FSTL4: variants seen among roughly 807,000 people sequenced by gnomAD.
FSTL4 encodes the protein follistatin like 4.
FSTL4 carries 28 observed loss-of-function variants against 78.2 expected under a neutral mutation model. That is an observed-to-expected ratio of 0.36 (90% CI 0.27 to 0.49). The LOEUF is 0.49. Ranked by LOEUF, FSTL4 falls within the 20% of genes least tolerant of loss-of-function variation. FSTL4 has a pLI of 0.98. For missense variants in FSTL4, 922 were observed against 1,084.9 expected, an observed-to-expected ratio of 0.85 and a Z score of 2.11; for synonymous variants, 422 against 440.5, an observed-to-expected ratio of 0.96 and a Z score of 0.53.
intron 3 of FSTL4, among the ~76,000 whole-genome samples, chr5:133,466,622 T>C (rs1757714613): frequency 6.6e-6 from 1 of 152,188 alleles, no homozygotes; most frequent in South Asian, 2.1e-4. Context: ...ATCTACCATG[T>C]ATCCGGTCAA....
Position 133,220,834 on chromosome 5 carries a change from A to G in FSTL4, c.1372T>C (p.Ser458Pro). 1 of 1,611,868 alleles carries G rather than the reference A, an allele frequency of 6.2e-7. No individual in the cohort carries two copies. The highest frequency in any genetic ancestry group is 8.5e-7 in the Non-Finnish European group (1 of 1,177,932). The stretch of plus-strand genomic sequence containing the variant: ...TGGATGACGATGATACCGTCGTCGG[A>G]GAAGACATAGAACATGTTTCCCACG... ...LSVGNMFYVFSDDGIIVIHPV... is the reference protein window; with the variant it reads ...LSVGNMFYVFPDDGIIVIHPV... The change falls in exon 12 of 16, where the codon TCC becomes CCC. Residue 458 changes from serine (S) to proline (P), a missense_variant. Transcript: ENST00000265342.
Position 133,225,258 on chromosome 5 carries a change from T to C in FSTL4, c.1204A>G (p.Ser402Gly), listed in dbSNP as rs1052929257. The change falls in exon 10 of 16, where the codon AGT becomes GGT. Residue 402 changes from serine (S) to glycine (G), a missense_variant. Ser to Gly is a moderately conservative substitution (Grantham distance 56). Transcript: ENST00000265342. This position sits in a 1 kb window ranked among gnomAD's most constrained non-coding sequence, Gnocchi z 4.6. ...LANGSELHIS[S>G]VRYEDTGAYT... is the part of the protein sequence containing the mutation. Reference sequence around the variant, plus strand: ...GCCCCTGTGTCTTCATACCGAACACTGCTGATGTGGAGTTCGCTCCCATTG... The same window carrying C: ...GCCCCTGTGTCTTCATACCGAACACCGCTGATGTGGAGTTCGCTCCCATTG... The C allele has an allele frequency of 6.2e-7, 1 of 1,614,186 alleles. No homozygotes were observed. The highest frequency in any genetic ancestry group is 8.5e-7 in the Non-Finnish European group (1 of 1,180,006).
chr5:133,240,616 G>A (rs528199415), intron 7 of FSTL4, among the ~76,000 whole-genome samples: 10 of 152,186 alleles, frequency 6.6e-5, no homozygotes, highest in African/African-American at 9.6e-5. Flanking sequence ...TGGTGTGTGC[G>A]GTCAGTCTTC....
At chr5:133,389,884 C>A (rs1755800963) in intron 4 of FSTL4, among the ~76,000 whole-genome samples, 2 of 152,034 alleles carry the variant, frequency 1.3e-5, no homozygotes, top group African/African-American at 4.8e-5. Context: ...GAAACAGAGA[C>A]AAAGATGGGG....
chr5:133,703,661 G>A, the FSTL4 span, among the ~76,000 whole-genome samples: 1 of 152,228 alleles, frequency 6.6e-6, no homozygotes, highest in African/African-American at 2.4e-5. Context: ...ATCTGTGAAA[G>A]GAGCACCTGC....
the FSTL4 span, among the ~76,000 whole-genome samples, chr5:133,698,499 C>CA: frequency 6.6e-6 from 1 of 152,206 alleles, no homozygotes; most frequent in South Asian, 2.1e-4. Context: ...GCTCTTCTGT[C>CA]AAACATGATG....
Position 133,361,730 on chromosome 5 carries a change from GT to G in FSTL4, c.409+39007del, listed in dbSNP as rs1038720733. On this transcript the variant is annotated intron_variant, in intron 4 of 15. Coordinates refer to ENST00000265342, the MANE Select transcript of FSTL4 (RefSeq NM_015082.2). The surrounding 1 kb of genome is among the most constrained non-coding windows in gnomAD (Gnocchi z 4.3). ...AGTGGGGCAGAACTGCCTTGTAGTGGTTTTTTTGGCAATCACTGGGGCATTT... is the reference window on the plus strand; with the variant it reads ...AGTGGGGCAGAACTGCCTTGTAGTGGTTTTTTGGCAATCACTGGGGCATTT... Among the ~76,000 whole-genome samples the G allele has an allele frequency of 6.6e-6, 1 of 152,110 alleles. No homozygotes were observed. Among genetic ancestry groups the G allele is most frequent in the East Asian group, 1.9e-4 (1 of 5,198 alleles).
the FSTL4 span, among the ~76,000 whole-genome samples, chr5:133,706,175 T>C: frequency 1.3e-5 from 2 of 152,344 alleles, no homozygotes; most frequent in East Asian, 3.8e-4. Flanking sequence ...CTCCAAACCC[T>C]ATCTGTTAAT....
At chr5:133,553,952 C>T (rs1759737064) in intron 3 of FSTL4, among the ~76,000 whole-genome samples, 1 of 152,162 alleles carries the variant, frequency 6.6e-6, no homozygotes, top group Admixed American at 6.5e-5. Flanking sequence ...GAACTAAGAG[C>T]ACTGGCTTAG....
At chr5:133,500,230 C>G (rs1487812190) in intron 3 of FSTL4, among the ~76,000 whole-genome samples, 1 of 152,056 alleles carries the variant, frequency 6.6e-6, no homozygotes, top group African/African-American at 2.4e-5. Flanking sequence ...CTTGAGTGTC[C>G]CTGGAAGAGA....
intron 3 of FSTL4, among the ~76,000 whole-genome samples, chr5:133,412,129 T>C (rs1756489232): frequency 6.6e-6 from 1 of 152,136 alleles, no homozygotes; most frequent in Non-Finnish European, 1.5e-5. Flanking sequence ...TGCAATCATT[T>C]TAGACTTAGA....
At chr5:133,617,597 A>T in the FSTL4 span, among the ~76,000 whole-genome samples, 1 of 152,194 alleles carries the variant, frequency 6.6e-6, no homozygotes, top group Non-Finnish European at 1.5e-5. Context: ...CCCAGCACAC[A>T]CACAGCTGCA....
intron 4 of FSTL4, among the ~76,000 whole-genome samples, chr5:133,384,610 G>A (rs1755655388): frequency 6.6e-6 from 1 of 152,170 alleles, no homozygotes; most frequent in Middle Eastern, 3.2e-3. Context: ...CCACTCCCCC[G>A]ATTCAGGCTT....
chr5:133,499,307 C>T (rs2112875859), intron 3 of FSTL4, among the ~76,000 whole-genome samples: 1 of 150,488 alleles, frequency 6.6e-6, no homozygotes, highest in South Asian at 2.1e-4. Context: ...ACACACATCA[C>T]TGGGTCCTGG....
intron 3 of FSTL4, among the ~76,000 whole-genome samples, chr5:133,411,459 G>A (rs1756476331): frequency 6.6e-6 from 1 of 152,088 alleles, no homozygotes; most frequent in Admixed American, 6.5e-5. Context: ...AAGAATATCA[G>A]GGCAATTTAA....
intron 6 of FSTL4, chr5:133,276,084 T>C (rs1320465297): frequency 6.6e-6 from 1 of 152,264 alleles, no homozygotes; most frequent in East Asian, 1.9e-4. Context: ...TGTTTGTACA[T>C]ATTTAAGTAA....
the FSTL4 span, among the ~76,000 whole-genome samples, chr5:133,635,786 C>T: frequency 2.6e-5 from 4 of 151,758 alleles, no homozygotes; most frequent in African/African-American, 7.3e-5. Context: ...AACAAACAAA[C>T]AAAACTGCCT....
chr5:133,525,324 G>A lies in FSTL4; in HGVS notation c.160+41862C>T, dbSNP rs147752061. 6.3e-3 allele frequency among the ~76,000 whole-genome samples: 966 copies of A among 152,310 alleles called. 10 individuals are homozygous for A. The highest frequency in any genetic ancestry group is 0.021 in the African/African-American group (886 of 41,574). On this transcript the variant is annotated intron_variant, in intron 3 of 15. Transcript: ENST00000265342. ...GCCCAAGTCCATGTCTGGTTAGCCT[G>A]TGCCTGACTTCTACCTCACAAGGAT...
At chr5:133,694,291 T>C in the FSTL4 span, among the ~76,000 whole-genome samples, 2 of 152,234 alleles carry the variant, frequency 1.3e-5, no homozygotes, top group Non-Finnish European at 1.5e-5. Flanking sequence ...CATCTGTGAG[T>C]GCCACAAAGG....
Sources: allele counts gnomAD v4.1 joint callset (sites outside exome capture counted in the v4.1 genomes callset), GRCh38; gene constraint gnomAD v4.1.1; non-coding constraint Gnocchi (gnomAD v3.1); transcripts MANE v1.5; gene names NCBI Gene and HGNC (gene_info 2026-07-23, HGNC 2026-07-21).